The following ARHGAP10 variants were observed in gnomAD, a reference collection of about 807,000 sequenced individuals.
ARHGAP10 encodes the protein rho GTPase-activating protein 10.
In ARHGAP10, 87 loss-of-function variants were observed where a neutral mutation model predicts 108.6. The observed-to-expected ratio is 0.80, with a 90% CI of 0.67 to 0.96. The LOEUF (loss-of-function observed/expected upper bound fraction) is 0.96. ARHGAP10 is among the 40% of genes least tolerant of loss of function. ARHGAP10 has a pLI of 0.00. For missense variants in ARHGAP10, 939 were observed against 954.5 expected, an observed-to-expected ratio of 0.98 and a Z score of 0.21; for synonymous variants, 347 against 341.1, an observed-to-expected ratio of 1.02 and a Z score of -0.19.
intron 16 of ARHGAP10, among the ~76,000 whole-genome samples, chr4:147,962,798 G>A (rs1034101107): frequency 2.0e-5 from 3 of 152,028 alleles, no homozygotes; most frequent in African/African-American, 7.3e-5. Flanking sequence ...TGGGTAGCTG[G>A]GATTACAGGT....
intron 1 of ARHGAP10, among the ~76,000 whole-genome samples, chr4:147,737,991 A>C (rs1203667362): frequency 3.3e-5 from 5 of 149,344 alleles, no homozygotes; most frequent in Non-Finnish European, 7.4e-5. Context: ...GGTTCCTTTG[A>C]CCAGCTCCTT....
Position 147,964,830 on chromosome 4 carries a change from G to T in ARHGAP10, c.1451-194G>T, listed in dbSNP as rs1739144335. On this transcript the variant is annotated intron_variant, in intron 16 of 22. Transcript: ENST00000336498. Reference sequence around the variant, plus strand: ...TACCTCATTAGGGGAGGCATGAGAAGATTCATCATAAGGAGAAAGATTTTT... The same window carrying T: ...TACCTCATTAGGGGAGGCATGAGAATATTCATCATAAGGAGAAAGATTTTT... Among the ~76,000 whole-genome samples the T allele has an allele frequency of 2.0e-5, 3 of 152,142 alleles. No homozygotes were observed. In the South Asian group the frequency reaches 6.2e-4, roughly 32 times the overall value.
chr4:147,870,488 G>T (rs1734770883), intron 7 of ARHGAP10, among the ~76,000 whole-genome samples: 5 of 151,616 alleles, frequency 3.3e-5, no homozygotes, highest in Admixed American at 3.3e-4. Flanking sequence ...TCAGAAAAAG[G>T]TAAAAGGTAT....
rs79184035 is a variant in ARHGAP10 at position 147,771,724 on chromosome 4, G to A, written c.154+39269G>A. Among the ~76,000 whole-genome samples, 9 of 152,268 alleles carry A rather than the reference G, an allele frequency of 5.9e-5. No individual in the cohort carries two copies. In the East Asian group the frequency reaches 1.5e-3, roughly 26 times the overall value. On this transcript the variant is annotated intron_variant, in intron 1 of 22. Coordinates refer to ENST00000336498, the MANE Select transcript of ARHGAP10 (RefSeq NM_024605.4). ...AGTAAATAAATGTCAGTGAAATTGTGTTTTAAGTATGTAGGTGCCCCTTTT... is the reference window on the plus strand; with the variant it reads ...AGTAAATAAATGTCAGTGAAATTGTATTTTAAGTATGTAGGTGCCCCTTTT...
rs140111269 is a variant in ARHGAP10 at position 148,029,349 on chromosome 4, G to A, written c.1867+5936G>A. 3.6e-3 allele frequency among the ~76,000 whole-genome samples: 547 copies of A among 152,258 alleles called. 2 individuals carry two copies. Among genetic ancestry groups the A allele is most frequent in the Non-Finnish European group, 5.4e-3 (368 of 68,018 alleles). ...GAAGCCAAGGATAGCTCACATTCAC[G>A]GCAGCGGTGCACTCTGTAATCTCAG... is the stretch of plus-strand genomic sequence containing the variant. On this transcript the variant is annotated intron_variant, in intron 19 of 22. Coordinates refer to ENST00000336498, the MANE Select transcript of ARHGAP10 (RefSeq NM_024605.4).
intron 1 of ARHGAP10, among the ~76,000 whole-genome samples, chr4:147,748,397 A>T (rs1312263000): frequency 2.0e-5 from 3 of 152,190 alleles, no homozygotes; most frequent in Non-Finnish European, 4.4e-5. Context: ...AAAAAAGCTG[A>T]TGTCTTGTAC....
At chr4:147,907,728 T>C (rs1179459256) in intron 11 of ARHGAP10, among the ~76,000 whole-genome samples, 37 of 152,160 alleles carry the variant, frequency 2.4e-4, no homozygotes, top group Non-Finnish European at 1.5e-5. Flanking sequence ...GTATAAAAAT[T>C]GATGCTATAT....
At chr4:148,060,219 C>T (rs957582676) in intron 20 of ARHGAP10, among the ~76,000 whole-genome samples, 7 of 151,644 alleles carry the variant, frequency 4.6e-5, no homozygotes, top group African/African-American at 7.3e-5. Flanking sequence ...TTTCCTCTAC[C>T]GTTTTTTGAG....
At chr4:147,874,043 CCT>C (rs1269869577) in intron 7 of ARHGAP10, among the ~76,000 whole-genome samples, 8 of 151,492 alleles carry the variant, frequency 5.3e-5, no homozygotes, top group Non-Finnish European at 1.0e-4. Flanking sequence ...AAACAACAAA[CCT>C]CTGCAGACAG....
chr4:147,816,962 CAG>C (rs1025731898), intron 1 of ARHGAP10, among the ~76,000 whole-genome samples: 5 of 152,216 alleles, frequency 3.3e-5, no homozygotes, highest in East Asian at 1.9e-4. Context: ...TGTGCAGAGT[CAG>C]GGGCAGCTCC....
chr4:147,844,797 C>G (rs1733569820), intron 3 of ARHGAP10, among the ~76,000 whole-genome samples: 2 of 152,196 alleles, frequency 1.3e-5, no homozygotes, highest in South Asian at 4.1e-4. Flanking sequence ...TCTTCGTGTA[C>G]CACTCTAGAA....
chr4:147,768,871 T>C (rs1457811438), intron 1 of ARHGAP10, among the ~76,000 whole-genome samples: 2 of 151,952 alleles, frequency 1.3e-5, no homozygotes, highest in Admixed American at 1.3e-4. Flanking sequence ...CCCAAGTAGC[T>C]GGGATTACAG....
At chr4:147,817,230 G>A (rs1005657799) in intron 1 of ARHGAP10, among the ~76,000 whole-genome samples, 2 of 152,104 alleles carry the variant, frequency 1.3e-5, no homozygotes, top group African/African-American at 2.4e-5. Flanking sequence ...GCTGGGGTGG[G>A]AAGTTGTAGG....
intron 20 of ARHGAP10, among the ~76,000 whole-genome samples, chr4:148,049,993 C>T (rs1188840212): frequency 6.6e-6 from 1 of 151,848 alleles, no homozygotes; most frequent in Non-Finnish European, 1.5e-5. Context: ...TCAACCTCCC[C>T]AGTAGCTGGG....
rs557256496 is a variant in ARHGAP10, at chr4:147,841,839, T to TGG, written c.313-5311_313-5310dup. ...ATAAAAAAGTTTTTTATAAATGAGT[T>TGG]GGATATAGTGTTATTTGCCACAACT... On this transcript the variant is annotated intron_variant, in intron 3 of 22. Transcript: ENST00000336498. Among the ~76,000 whole-genome samples, 915 of 152,338 alleles carry TGG rather than the reference T, an allele frequency of 6.0e-3. 9 individuals carry two copies. The highest frequency in any genetic ancestry group is 0.02 in the African/African-American group (845 of 41,586).
chr4:147,777,214 C>T (rs13136202), intron 1 of ARHGAP10, among the ~76,000 whole-genome samples: 121,896 of 151,616 alleles, frequency 0.8, 52,075 homozygotes, highest in Non-Finnish European at 0.94. Flanking sequence ...GCTAATTGAA[C>T]TAGAGTCTGT....
At chr4:147,758,408 A>C (rs1390625562) in intron 1 of ARHGAP10, among the ~76,000 whole-genome samples, 1 of 152,212 alleles carries the variant, frequency 6.6e-6, no homozygotes, top group Non-Finnish European at 1.5e-5. Context: ...ATGTATAATC[A>C]ATGGCTTTTA....
At position 147,874,921 on chromosome 4, in the gene ARHGAP10, G is replaced by C. The variant is rs930672980; in HGVS notation, c.703-100G>C. 7.2e-6 allele frequency: 9 copies of C among 1,251,352 alleles called. No homozygotes were observed. In the African/African-American group the frequency reaches 1.3e-4, roughly 17 times the overall value. The allele number at this position is 1,251,352 out of a possible 1,614,324, so 77.5% of individuals were successfully genotyped here. On this transcript the variant is annotated intron_variant, in intron 7 of 22. Coordinates refer to ENST00000336498, the MANE Select transcript of ARHGAP10 (RefSeq NM_024605.4). ...GAAATTTATAAAAAAGTTATTTAGA[G>C]TTAAAAAATGTAATTACATTTATGC...
At chr4:147,933,826 G>A (rs1051436072) in intron 13 of ARHGAP10, among the ~76,000 whole-genome samples, 4 of 152,144 alleles carry the variant, frequency 2.6e-5, no homozygotes, top group Admixed American at 1.3e-4. Context: ...TATCTGCTGT[G>A]GGGCAGAGGC....
Sources: gnomAD v4.1 joint callset for allele counts (sites outside exome capture counted in the v4.1 genomes callset) on GRCh38, gnomAD v4.1.1 for gene constraint, MANE v1.5 for transcripts, NCBI Gene and HGNC (gene_info 2026-07-23, HGNC 2026-07-21) for gene names.